LRRC4C: variants seen among roughly 807,000 people sequenced by gnomAD.
The protein encoded by LRRC4C is leucine-rich repeat-containing protein 4C.
LRRC4C carries 5 observed loss-of-function variants against 33.6 expected under a neutral mutation model. The ratio of observed to expected loss-of-function variants is 0.15; its 90% CI spans 0.08 to 0.31. The LOEUF is 0.31. Ranked by LOEUF, LRRC4C falls within the 10% of genes least tolerant of loss-of-function variation. LRRC4C has a pLI of 1.00. For missense variants in LRRC4C, 560 were observed against 796.7 expected, an observed-to-expected ratio of 0.70 and a Z score of 3.58; for synonymous variants, 329 against 302.0, an observed-to-expected ratio of 1.09 and a Z score of -0.93.
chr11:40,345,096 T>C (rs906815488), intron 3 of LRRC4C, among the ~76,000 whole-genome samples: 6 of 152,140 alleles, frequency 3.9e-5, no homozygotes, highest in African/African-American at 1.4e-4. Flanking sequence ...TTTACAGAAT[T>C]TGTAGATTCC....
At chr11:41,197,202 C>G (rs1195969898) in intron 1 of LRRC4C, among the ~76,000 whole-genome samples, 1 of 152,030 alleles carries the variant, frequency 6.6e-6, no homozygotes, top group African/African-American at 2.4e-5. Context: ...CCACAGATCT[C>G]TATACCCACA....
chr11:40,233,275 T>A (rs1351342539), intron 5 of LRRC4C, among the ~76,000 whole-genome samples: 3 of 152,196 alleles, frequency 2.0e-5, no homozygotes, highest in Non-Finnish European at 4.4e-5. Flanking sequence ...GTATAGCAAC[T>A]GCGATGGCTC....
chr11:40,995,805 G>A (rs1393297074), intron 1 of LRRC4C, among the ~76,000 whole-genome samples: 1 of 152,032 alleles, frequency 6.6e-6, no homozygotes, highest in Non-Finnish European at 1.5e-5. Flanking sequence ...CCAAACCATT[G>A]GTCTGCAAGG....
intron 2 of LRRC4C, among the ~76,000 whole-genome samples, chr11:40,663,695 T>C (rs547376788): frequency 2.6e-5 from 4 of 152,312 alleles, no homozygotes; most frequent in African/African-American, 9.6e-5. Flanking sequence ...GGAATCTCCA[T>C]TCAACATGAA....
chr11:40,191,132 G>A (rs930327428), intron 5 of LRRC4C, among the ~76,000 whole-genome samples: 7 of 152,198 alleles, frequency 4.6e-5, no homozygotes, highest in Non-Finnish European at 7.4e-5. Flanking sequence ...TGAGGAAACA[G>A]GAGCTCAGGA....
chr11:41,392,320 C>T (rs1953630015), intron 1 of LRRC4C, among the ~76,000 whole-genome samples: 1 of 151,788 alleles, frequency 6.6e-6, no homozygotes, highest in Non-Finnish European at 1.5e-5. Context: ...TGTAGATTAA[C>T]TGTTTTTGTA....
chr11:41,045,325 C>T (rs1857697814), intron 1 of LRRC4C, among the ~76,000 whole-genome samples: 1 of 152,052 alleles, frequency 6.6e-6, no homozygotes, highest in South Asian at 2.1e-4. Flanking sequence ...TCACTCTTTC[C>T]TCTTATTTCC....
At chr11:40,595,663 T>A (rs1420320551) in intron 3 of LRRC4C, among the ~76,000 whole-genome samples, 1 of 152,154 alleles carries the variant, frequency 6.6e-6, no homozygotes, top group Non-Finnish European at 1.5e-5. Context: ...AGGTTTTCTT[T>A]CTTTCTCTGA....
chr11:40,782,851 G>T (rs1271887376), intron 2 of LRRC4C, among the ~76,000 whole-genome samples: 2 of 152,122 alleles, frequency 1.3e-5, no homozygotes, highest in South Asian at 2.1e-4. Context: ...TGTGTATACA[G>T]ATGTACACAC....
At chr11:40,750,553 G>A (rs1026313142) in intron 2 of LRRC4C, among the ~76,000 whole-genome samples, 1 of 149,894 alleles carries the variant, frequency 6.7e-6, no homozygotes, top group Non-Finnish European at 1.5e-5. Flanking sequence ...CTATTGCAAG[G>A]ACAAGAAACC....
chr11:40,914,153 T>C (rs1404663387), intron 2 of LRRC4C, among the ~76,000 whole-genome samples: 1 of 152,196 alleles, frequency 6.6e-6, no homozygotes, highest in African/African-American at 2.4e-5. Flanking sequence ...TCTGATACTA[T>C]TTCAATCAAT....
intron 1 of LRRC4C, among the ~76,000 whole-genome samples, chr11:41,253,547 T>C (rs1444300108): frequency 5.3e-5 from 8 of 152,094 alleles, no homozygotes; most frequent in African/African-American, 1.7e-4. Context: ...AGGCTAAAAG[T>C]CTTGACCAGG....
intron 1 of LRRC4C, among the ~76,000 whole-genome samples, chr11:40,998,935 G>A (rs1209298940): frequency 1.3e-5 from 2 of 152,054 alleles, no homozygotes; most frequent in African/African-American, 2.4e-5. Context: ...CATCATCTAT[G>A]TATGTATTAA....
At chr11:40,474,265 A>G (rs1388740633) in intron 3 of LRRC4C, among the ~76,000 whole-genome samples, 1 of 152,218 alleles carries the variant, frequency 6.6e-6, no homozygotes, top group Admixed American at 6.5e-5. Context: ...CAGAGGCCTC[A>G]GAAATAATGC....
At chr11:41,165,445 G>A (rs1049827156) in intron 1 of LRRC4C, among the ~76,000 whole-genome samples, 1 of 151,826 alleles carries the variant, frequency 6.6e-6, no homozygotes, top group Non-Finnish European at 1.5e-5. Context: ...TTTCCTTTTT[G>A]CCAAGTAACA....
chr11:41,279,740 C>T (rs531350095), intron 1 of LRRC4C, among the ~76,000 whole-genome samples: 1 of 152,156 alleles, frequency 6.6e-6, no homozygotes, highest in Non-Finnish European at 1.5e-5. Flanking sequence ...TGATGTCCAA[C>T]TGGCACCTTG....
chr11:40,822,602 A>G (rs1430163887), intron 2 of LRRC4C, among the ~76,000 whole-genome samples: 2 of 151,594 alleles, frequency 1.3e-5, no homozygotes, highest in Non-Finnish European at 3.0e-5. Flanking sequence ...AAGTTTGCAA[A>G]TATTTTCTCC....
intron 3 of LRRC4C, among the ~76,000 whole-genome samples, chr11:40,392,725 T>A (rs1476038605): frequency 6.6e-6 from 1 of 152,078 alleles, no homozygotes; most frequent in Non-Finnish European, 1.5e-5. Context: ...CCTGAAGAAA[T>A]ATACTCAGAA....
At chr11:40,220,019 C>G (rs1703871284) in intron 5 of LRRC4C, among the ~76,000 whole-genome samples, 1 of 152,174 alleles carries the variant, frequency 6.6e-6, no homozygotes, top group African/African-American at 2.4e-5. Flanking sequence ...TAAATATACA[C>G]AGTGAAGTTT....
Sources: gnomAD v4.1 joint callset for allele counts (sites outside exome capture counted in the v4.1 genomes callset) on GRCh38, gnomAD v4.1.1 for gene constraint, MANE v1.5 for transcripts, NCBI Gene and HGNC (gene_info 2026-07-23, HGNC 2026-07-21) for gene names.